The following SLC35D4 variants were observed in gnomAD, a reference collection of about 807,000 sequenced individuals.
SLC35D4 encodes solute carrier family 35 member D4, also known as UDP-N-acetylglucosamine transporter SLC35D4.
the SLC35D4 span, among the ~76,000 whole-genome samples, chr18:23,377,168 C>T: frequency 1.3e-5 from 2 of 152,138 alleles, no homozygotes; most frequent in African/African-American, 2.4e-5. Context: ...GCCCAGTTTA[C>T]GCTGTAGCTG....
At chr18:23,282,369 A>C in the SLC35D4 span, among the ~76,000 whole-genome samples, 4 of 152,304 alleles carry the variant, frequency 2.6e-5, no homozygotes, top group South Asian at 8.3e-4. Flanking sequence ...TGTTTGTTTT[A>C]CTAACGGTAA....
chr18:23,285,612 C>G, the SLC35D4 span, among the ~76,000 whole-genome samples: 1 of 152,130 alleles, frequency 6.6e-6, no homozygotes, highest in Non-Finnish European at 1.5e-5. Context: ...CCAAATCTTC[C>G]TTCTTTCCCT....
the SLC35D4 span, among the ~76,000 whole-genome samples, chr18:23,359,420 C>G: frequency 6.6e-6 from 1 of 151,174 alleles, no homozygotes; most frequent in South Asian, 2.1e-4. Flanking sequence ...ACATGTTTTG[C>G]TACAGCAACA....
At chr18:23,393,326 G>A in the SLC35D4 span, among the ~76,000 whole-genome samples, 1 of 151,798 alleles carries the variant, frequency 6.6e-6, no homozygotes, top group Admixed American at 6.6e-5. Context: ...TCACACCATT[G>A]TACAACCATC....
chr18:23,305,973 T>C, the SLC35D4 span, among the ~76,000 whole-genome samples: 1 of 152,198 alleles, frequency 6.6e-6, no homozygotes. Flanking sequence ...ACGGTTACCT[T>C]TTAGACTCCC....
chr18:23,264,301 G>A, the SLC35D4 span, among the ~76,000 whole-genome samples: 12 of 150,328 alleles, frequency 8.0e-5, no homozygotes, highest in South Asian at 8.4e-4. Flanking sequence ...GAACAGGCAC[G>A]CTACACAGCA....
the SLC35D4 span, among the ~76,000 whole-genome samples, chr18:23,358,084 T>A: frequency 6.6e-6 from 1 of 152,018 alleles, no homozygotes; most frequent in Non-Finnish European, 1.5e-5. Context: ...ACCTAGAGAG[T>A]GGCCAGAGCC....
the SLC35D4 span, among the ~76,000 whole-genome samples, chr18:23,378,630 ATGT>A: frequency 6.6e-6 from 1 of 152,230 alleles, no homozygotes; most frequent in African/African-American, 2.4e-5. Context: ...TCATTTGTAC[ATGT>A]TAGCAGAGAG....
At chr18:23,297,999 C>T in the SLC35D4 span, 13 of 1,612,934 alleles carry the variant, frequency 8.1e-6, no homozygotes, top group African/African-American at 4.0e-5. Flanking sequence ...TTCTCTTGAC[C>T]GTCTTGTTCA....
At chr18:23,299,922 G>A in the SLC35D4 span, among the ~76,000 whole-genome samples, 6,943 of 152,200 alleles carry the variant, frequency 0.046, 463 homozygotes, top group Admixed American at 0.18. Context: ...TAAGTTGATC[G>A]TTCCTATTTA....
chr18:23,412,141 G>T, the SLC35D4 span, among the ~76,000 whole-genome samples: 1 of 152,050 alleles, frequency 6.6e-6, no homozygotes, highest in Non-Finnish European at 1.5e-5. Flanking sequence ...CCAACATGGT[G>T]AAATCCTGTC....
the SLC35D4 span, among the ~76,000 whole-genome samples, chr18:23,253,345 TG>T: frequency 6.6e-6 from 1 of 152,076 alleles, no homozygotes; most frequent in Non-Finnish European, 1.5e-5. Flanking sequence ...TAGCCAGGCA[TG>T]GTGGTGCACG....
At chr18:23,256,941 T>C in the SLC35D4 span, among the ~76,000 whole-genome samples, 1 of 152,198 alleles carries the variant, frequency 6.6e-6, no homozygotes, top group Non-Finnish European at 1.5e-5. Flanking sequence ...ATCTGTAAAA[T>C]AGAGATACGG....
At chr18:23,388,812 G>C in the SLC35D4 span, among the ~76,000 whole-genome samples, 53 of 152,166 alleles carry the variant, frequency 3.5e-4, 2 homozygotes, top group South Asian at 0.011. Context: ...AAAGTGTGCG[G>C]CCCTTCTCCC....
chr18:23,345,975 T>C, the SLC35D4 span, among the ~76,000 whole-genome samples: 1 of 152,130 alleles, frequency 6.6e-6, no homozygotes. Context: ...TCATTACTAA[T>C]ATATAAAACT....
At chr18:23,269,236 A>G in the SLC35D4 span, among the ~76,000 whole-genome samples, 1 of 152,180 alleles carries the variant, frequency 6.6e-6, no homozygotes, top group African/African-American at 2.4e-5. Flanking sequence ...AGATAATTGA[A>G]TCATGGGAGT....
the SLC35D4 span, among the ~76,000 whole-genome samples, chr18:23,327,175 A>G: frequency 6.6e-6 from 1 of 152,252 alleles, no homozygotes; most frequent in Non-Finnish European, 1.5e-5. Context: ...AAAAACTAGC[A>G]GAAGGCAAGA....
the SLC35D4 span, among the ~76,000 whole-genome samples, chr18:23,255,099 G>T: frequency 6.6e-6 from 1 of 152,316 alleles, no homozygotes; most frequent in East Asian, 1.9e-4. Flanking sequence ...TGGCTCTGGG[G>T]TGATAAGGGC....
chr18:23,432,134 A>G, the SLC35D4 span, among the ~76,000 whole-genome samples: 1 of 152,204 alleles, frequency 6.6e-6, no homozygotes, highest in East Asian at 1.9e-4. Flanking sequence ...GGAGAAAAGG[A>G]AAGGATTAAC....
Sources: allele counts gnomAD v4.1 joint callset (sites outside exome capture counted in the v4.1 genomes callset), GRCh38; gene constraint gnomAD v4.1.1; transcripts MANE v1.5; gene names NCBI Gene and HGNC (gene_info 2026-07-23, HGNC 2026-07-21).